The following ASIC2 variants were observed in gnomAD, a reference collection of about 807,000 sequenced individuals.
The protein encoded by ASIC2 is acid-sensing ion channel 2.
In ASIC2, 25 loss-of-function variants were observed where a neutral mutation model predicts 57.3. That is an observed-to-expected ratio of 0.44 (90% CI 0.32 to 0.61). The LOEUF is 0.61. Ranked by LOEUF, ASIC2 falls within the 20% of genes least tolerant of loss-of-function variation. ASIC2 has a pLI of 0.06. For missense variants in ASIC2, 641 were observed against 738.1 expected (o/e 0.87, Z 1.52); for synonymous variants, 319 against 307.5 (o/e 1.04, Z -0.39).
At chr17:33,028,718 C>T (rs904915863) in intron 3 of ASIC2, among the ~76,000 whole-genome samples, 1 of 152,076 alleles carries the variant, frequency 6.6e-6, no homozygotes, top group Non-Finnish European at 1.5e-5. Flanking sequence ...CCCATAAATG[C>T]GGTTCTCCTC....
intron 1 of ASIC2, among the ~76,000 whole-genome samples, chr17:34,144,645 A>G (rs974953360): frequency 6.6e-6 from 1 of 152,210 alleles, no homozygotes; most frequent in Non-Finnish European, 1.5e-5. Flanking sequence ...ATTATTATTT[A>G]ATAGATGAGG....
chr17:33,341,315 T>C (rs1278540003), intron 1 of ASIC2, among the ~76,000 whole-genome samples: 3 of 152,216 alleles, frequency 2.0e-5, no homozygotes, highest in Non-Finnish European at 2.9e-5. Flanking sequence ...GGACCAACCA[T>C]GGAGAAACTC....
intron 1 of ASIC2, among the ~76,000 whole-genome samples, chr17:33,938,804 G>A (rs571637845): frequency 1.3e-5 from 2 of 152,312 alleles, no homozygotes; most frequent in Non-Finnish European, 2.9e-5. Flanking sequence ...GAGGCCTCCT[G>A]CATGGCTGTC....
chr17:34,082,130 C>G (rs1028436275), intron 1 of ASIC2: 1 of 152,184 alleles, frequency 6.6e-6, no homozygotes, highest in Non-Finnish European at 1.5e-5. Flanking sequence ...AGGTCTTTCT[C>G]AAGTTCTTCC....
intron 1 of ASIC2, among the ~76,000 whole-genome samples, chr17:33,755,939 G>A (rs1467946516): frequency 6.6e-6 from 1 of 152,226 alleles, no homozygotes; most frequent in African/African-American, 2.4e-5. Context: ...CATGGTGATG[G>A]ATGATAAGCA....
At chr17:33,685,310 T>C (rs894210795) in intron 1 of ASIC2, among the ~76,000 whole-genome samples, 5 of 152,154 alleles carry the variant, frequency 3.3e-5, no homozygotes, top group African/African-American at 1.2e-4. Context: ...AGCGTGAAGA[T>C]GAATGGCTTC....
intron 1 of ASIC2, among the ~76,000 whole-genome samples, chr17:33,823,091 T>G (rs1447203201): frequency 6.6e-6 from 1 of 152,216 alleles, no homozygotes; most frequent in Non-Finnish European, 1.5e-5. Flanking sequence ...GGAGAAATAG[T>G]GGCTGTGTAT....
intron 1 of ASIC2, among the ~76,000 whole-genome samples, chr17:33,602,794 T>C (rs1346186023): frequency 1.3e-5 from 2 of 152,204 alleles, no homozygotes; most frequent in Non-Finnish European, 1.5e-5. Context: ...ACTTGACTTA[T>C]TGCTATAGCT....
intron 1 of ASIC2, among the ~76,000 whole-genome samples, chr17:33,788,627 A>G (rs927656499): frequency 1.2e-4 from 18 of 152,190 alleles, no homozygotes; most frequent in Admixed American, 2.0e-4. Context: ...AACACTTTAC[A>G]ATAGCAAAGA....
chr17:33,048,468 C>T (rs1185118408), intron 3 of ASIC2, among the ~76,000 whole-genome samples: 1 of 152,186 alleles, frequency 6.6e-6, no homozygotes, highest in East Asian at 1.9e-4. Context: ...CTCTCAAGAT[C>T]AACCTACAGC....
intron 1 of ASIC2, among the ~76,000 whole-genome samples, chr17:33,839,285 A>G (rs918060570): frequency 6.6e-6 from 1 of 152,252 alleles, no homozygotes; most frequent in Non-Finnish European, 1.5e-5. Context: ...TTCAGAGACT[A>G]GCACAACAGG....
intron 1 of ASIC2, among the ~76,000 whole-genome samples, chr17:33,144,692 G>C (rs946635365): frequency 3.3e-5 from 5 of 152,132 alleles, no homozygotes; most frequent in Admixed American, 6.5e-5. Flanking sequence ...GAAGCAGCCT[G>C]GGGGAGAAAC....
At position 33,657,277 on chromosome 17, in the gene ASIC2, G is replaced by C. The variant is rs116707211; in HGVS notation, c.555+498701C>G. Among the ~76,000 whole-genome samples, 748 of 152,242 alleles carry C rather than the reference G, an allele frequency of 4.9e-3. 4 individuals carry two copies. Among genetic ancestry groups the C allele is most frequent in the African/African-American group, 0.017 (723 of 41,538 alleles). On this transcript the variant is annotated intron_variant, in intron 1 of 9. Coordinates refer to the ASIC2 transcript ENST00000359872. ...CTTGGAAGATGCAACACACCGACTG[G>C]CTACGCTGCAGTTACTGCATCTTTC... is the stretch of plus-strand genomic sequence containing the variant.
chr17:33,996,967 A>G (rs1450535837), intron 1 of ASIC2, among the ~76,000 whole-genome samples: 2 of 152,180 alleles, frequency 1.3e-5, no homozygotes, highest in Non-Finnish European at 2.9e-5. Context: ...TTTTTACAAT[A>G]GTAATTCTTC....
At chr17:33,392,272 T>G (rs972646981) in intron 1 of ASIC2, among the ~76,000 whole-genome samples, 1 of 149,538 alleles carries the variant, frequency 6.7e-6, no homozygotes, top group African/African-American at 2.5e-5. Flanking sequence ...CTTTCTTTCT[T>G]TTTTTTTTGA....
At chr17:33,904,145 A>C (rs376874135) in intron 1 of ASIC2, among the ~76,000 whole-genome samples, 1 of 143,994 alleles carries the variant, frequency 6.9e-6, no homozygotes, top group East Asian at 2.3e-4. Flanking sequence ...CCTGGGCAAC[A>C]AGAGTGAAAC....
intron 1 of ASIC2, among the ~76,000 whole-genome samples, chr17:33,639,900 CT>C (rs1906502005): frequency 6.6e-6 from 1 of 152,104 alleles, no homozygotes; most frequent in African/African-American, 2.4e-5. Flanking sequence ...TTAAAGTGCC[CT>C]TTGAGCAATT....
intron 1 of ASIC2, among the ~76,000 whole-genome samples, chr17:33,864,018 C>G (rs1914168901): frequency 6.6e-6 from 1 of 152,022 alleles, no homozygotes; most frequent in Admixed American, 6.5e-5. Flanking sequence ...ATTCTCCTAC[C>G]TTAGCCTACT....
chr17:33,415,630 C>T (rs1039868240), intron 1 of ASIC2, among the ~76,000 whole-genome samples: 7 of 151,820 alleles, frequency 4.6e-5, no homozygotes, highest in African/African-American at 7.3e-5. Flanking sequence ...TGGGAACATC[C>T]GGGGCCTCAT....
Sources: allele counts gnomAD v4.1 joint callset (sites outside exome capture counted in the v4.1 genomes callset), GRCh38; gene constraint gnomAD v4.1.1; transcripts MANE v1.5; gene names NCBI Gene and HGNC (gene_info 2026-07-23, HGNC 2026-07-21).